ALMS1: variants seen among roughly 807,000 people sequenced by gnomAD.
ALMS1 encodes the protein centrosome-associated protein ALMS1.
ALMS1 carries 271 observed loss-of-function variants against 352.2 expected under a neutral mutation model. The observed-to-expected ratio is 0.77, with a 90% CI of 0.70 to 0.85. ALMS1 has a LOEUF of 0.85. Among genes scored for constraint, ALMS1 ranks in the 40% least tolerant of loss-of-function variants. The pLI is 0.00. For synonymous variants in ALMS1, 1,865 were observed against 1,761.2 expected (o/e 1.06, Z -1.48); for missense variants, 5,445 against 4,870.7 (o/e 1.12, Z -3.51).
intron 11 of ALMS1, among the ~76,000 whole-genome samples, chr2:73,522,519 G>A (rs1477706252): frequency 6.9e-6 from 1 of 145,736 alleles, no homozygotes; most frequent in Non-Finnish European, 1.5e-5. Flanking sequence ...CTCCAGGTTG[G>A]AGTGCAGTGG....
intron 10 of ALMS1, among the ~76,000 whole-genome samples, chr2:73,501,143 A>G (rs1673210905): frequency 6.6e-6 from 1 of 152,094 alleles, no homozygotes; most frequent in Admixed American, 6.6e-5. Flanking sequence ...GATTTTATTT[A>G]TGAAGTATCT....
intron 11 of ALMS1, among the ~76,000 whole-genome samples, chr2:73,525,964 G>T (rs1308439544): frequency 1.3e-5 from 2 of 152,152 alleles, no homozygotes; most frequent in Non-Finnish European, 2.9e-5. Flanking sequence ...TATGATGAAA[G>T]ATAGAGGTTT....
intron 11 of ALMS1, among the ~76,000 whole-genome samples, chr2:73,522,242 C>T (rs1372795314): frequency 1.3e-5 from 2 of 152,140 alleles, no homozygotes; most frequent in Non-Finnish European, 2.9e-5. Context: ...CCAATCGTTG[C>T]TGTTAATTTT....
intron 1 of ALMS1, among the ~76,000 whole-genome samples, chr2:73,403,962 C>T (rs757236690): frequency 5.9e-5 from 9 of 152,076 alleles, no homozygotes; most frequent in East Asian, 5.8e-4. Context: ...TGCAGTGGCT[C>T]GATCCCTGCT....
At chr2:73,492,510 AGTACTCT>A in intron 10 of ALMS1, among the ~76,000 whole-genome samples, 1 of 152,190 alleles carries the variant, frequency 6.6e-6, no homozygotes, top group East Asian at 1.9e-4. Context: ...TCCTCTACAC[AGTACTCT>A]GTCCTAGAAT....
chr2:73,439,131 T>A (rs1229253985), intron 7 of ALMS1, among the ~76,000 whole-genome samples: 5 of 150,170 alleles, frequency 3.3e-5, no homozygotes, highest in Non-Finnish European at 5.9e-5. Context: ...TTTTTTTTTT[T>A]AAATAAAGAT....
intron 16 of ALMS1, among the ~76,000 whole-genome samples, chr2:73,579,193 G>A (rs1237256489): frequency 2.0e-5 from 3 of 150,904 alleles, no homozygotes; most frequent in African/African-American, 7.3e-5. Flanking sequence ...CCAAGTAGCT[G>A]AGATTACAGG....
rs1332733899 is a variant in ALMS1, at chr2:73,572,404, T to G, written c.10527T>G (p.His3509Gln). 5 of 1,611,624 alleles carry G rather than the reference T, an allele frequency of 3.1e-6. No individual in the cohort carries two copies. The Admixed American group carries it at 8.4e-5, about 27-fold the overall frequency. The change falls in exon 16 of 23, where the codon CAT (histidine) becomes CAG (glutamine). Residue 3509 changes from histidine (H) to glutamine (Q), a missense_variant. Coordinates refer to ENST00000613296, the MANE Select transcript of ALMS1 (RefSeq NM_001378454.1). ...ESLGKSVFMR[H>Q]SWKDFFQHHP... ...TGGGAAAGAGTGTTTTCATGAGACA[T>G]TCTTGGAAAGATTTCTTTCAGCATC...
At chr2:73,462,940 C>G (rs1305654746) in intron 9 of ALMS1, 1 of 152,054 alleles carries the variant, frequency 6.6e-6, no homozygotes, top group Non-Finnish European at 1.5e-5. Context: ...AATACAGGAG[C>G]ACCCAGATTC....
At chr2:73,421,099 A>G (rs559906313) in intron 3 of ALMS1, among the ~76,000 whole-genome samples, 11 of 152,288 alleles carry the variant, frequency 7.2e-5, no homozygotes, top group Middle Eastern at 3.4e-3. Flanking sequence ...TTTAGCAAAT[A>G]CATTTGCCTA....
At chr2:73,489,014 G>T (rs1277589637) in intron 9 of ALMS1, among the ~76,000 whole-genome samples, 2 of 152,164 alleles carry the variant, frequency 1.3e-5, no homozygotes, top group Non-Finnish European at 2.9e-5. Flanking sequence ...TTAGGAAAGT[G>T]AGCTCTGTTC....
At chr2:73,396,467 T>A (rs1670763392) in intron 1 of ALMS1, among the ~76,000 whole-genome samples, 1 of 151,768 alleles carries the variant, frequency 6.6e-6, no homozygotes, top group Non-Finnish European at 1.5e-5. Flanking sequence ...TTGAAAGTAT[T>A]CCTATTGGTT....
rs1675708430 is a variant in ALMS1, at chr2:73,602,179, T to G, written c.12115-6T>G. ...CTGGGCATTTTCTCTTTTTTTTTTC[T>G]TTTAGGAATCGCTTCAGTTTCACAG... On this transcript the variant is annotated splice_region_variant and splice_polypyrimidine_tract_variant and intron_variant, in intron 19 of 22. Transcript: ENST00000613296. 2 of 1,612,992 alleles carry G rather than the reference T, an allele frequency of 1.2e-6. No individual in the cohort carries two copies. Among genetic ancestry groups the G allele is most frequent in the African/African-American group, 2.7e-5 (2 of 74,884 alleles).
At chr2:73,563,089 C>A (rs150247402) in intron 15 of ALMS1, among the ~76,000 whole-genome samples, 17 of 150,146 alleles carry the variant, frequency 1.1e-4, no homozygotes, top group Admixed American at 4.6e-4. Context: ...ACTAAATTCA[C>A]CTATATTAAA....
rs2103890068 is a variant in ALMS1 at position 73,489,899 on chromosome 2, A to G, written c.7940A>G (p.Gln2647Arg). Reference protein sequence around the residue: ...NSHFKVWNSLQLKSHSPFQNF... With the variant: ...NSHFKVWNSLRLKSHSPFQNF... ...CATTTCAAAGTTTGGAATTCCTTGC[A>G]GTTAAAAAGTCATTCCCCATTTCAG... The change falls in exon 10 of 23, where the codon CAG becomes CGG. Residue 2647 changes from glutamine (Q) to arginine (R), a missense_variant. Gln to Arg is a conservative substitution (Grantham distance 43). Transcript: ENST00000613296. The G allele has an allele frequency of 1.2e-6, 2 of 1,614,220 alleles. No individual in the cohort carries two copies. Among genetic ancestry groups the G allele is most frequent in the Non-Finnish European group, 1.7e-6 (2 of 1,180,036 alleles).
Position 73,491,340 on chromosome 2 carries a change from C to A in ALMS1, c.9381C>A (p.Val3127=). Residue 3127 remains valine (V), a synonymous_variant, in exon 10 of 23, where the codon GTC becomes GTA. Coordinates refer to ENST00000613296, the MANE Select transcript of ALMS1 (RefSeq NM_001378454.1). ...CTAAATCTTCACTGGATTTCCAAGT[C>A]GTACAGCCTTCTCTTCCAGACAGTA... The part of the protein sequence containing the change: ...LGPKSSLDFQ[V]VQPSLPDSNT... The A allele has an allele frequency of 6.2e-7, 1 of 1,614,170 alleles. No individual in the cohort carries two copies. The highest frequency in any genetic ancestry group is 1.1e-5 in the South Asian group (1 of 91,064).
rs760374410 is a variant in ALMS1 at position 73,448,048 on chromosome 2, A to C, written c.1521A>C (p.Gly507=). ...ITTTPVDSDI[G]SHLSLSLEDL... is the part of the protein sequence containing the mutation. ...CCACTCCTGTTGATTCAGACATTGG[A>C]TCTCATTTATCCTTGTCCCTTGAGG... The change falls in exon 8 of 23, where the codon GGA becomes GGC. Residue 507 remains glycine (G), a synonymous_variant. Transcript: ENST00000613296. 9 of 1,613,738 alleles carry C rather than the reference A, an allele frequency of 5.6e-6. No homozygotes were observed. The highest frequency in any genetic ancestry group is 4.5e-5 in the East Asian group (2 of 44,900).
chr2:73,556,989 AC>A (rs1250151845), intron 13 of ALMS1, among the ~76,000 whole-genome samples: 1 of 152,074 alleles, frequency 6.6e-6, no homozygotes, highest in African/African-American at 2.4e-5. Flanking sequence ...GGTGTGAGCC[AC>A]CCCGCCCGGC....
rs774724720 is a variant in ALMS1 at position 73,448,819 on chromosome 2, C to G, written c.2292C>G (p.Tyr764Ter). ...TEIPAVQSSS[Y>*]SQREKPSILY... ...TACCAGCAGTACAGTCTAGTTCTTA[C>G]TCACAAAGAGAAAAGCCTAGTATTT... The change falls in exon 8 of 23, where the codon TAC becomes TAG. Residue 764 changes from tyrosine (Y) to a stop codon, truncating the protein, a stop_gained. Transcript: ENST00000613296. LOFTEE classifies it high-confidence loss of function. The G allele has an allele frequency of 6.2e-7, 1 of 1,613,882 alleles. No individual in the cohort carries two copies. Among genetic ancestry groups the G allele is most frequent in the East Asian group, 2.2e-5 (1 of 44,886 alleles).
Sources: allele counts gnomAD v4.1 joint callset (sites outside exome capture counted in the v4.1 genomes callset), GRCh38; gene constraint gnomAD v4.1.1; transcripts MANE v1.5; gene names NCBI Gene and HGNC (gene_info 2026-07-23, HGNC 2026-07-21).